The following EXOC6B variants were observed in gnomAD, a reference collection of about 807,000 sequenced individuals.
The protein encoded by EXOC6B is SEC15 homolog B.
Under a neutral mutation model 113.5 loss-of-function variants are expected in EXOC6B, and 54 were observed. The observed-to-expected ratio is 0.48, with a 90% CI of 0.38 to 0.60. The LOEUF (loss-of-function observed/expected upper bound fraction) is 0.60, where lower values mean the gene tolerates loss of function less well. EXOC6B is among the 20% of genes least tolerant of loss of function. The probability of loss-of-function intolerance (pLI) is 0.00; values close to 1 mark genes in which losing one functional copy is unlikely to be tolerated. For missense variants in EXOC6B, 797 were observed against 977.5 expected (o/e 0.82, Z 2.46); for synonymous variants, 357 against 339.0 (o/e 1.05, Z -0.58).
At chr2:72,445,372 T>C (rs1212517591) in intron 18 of EXOC6B, among the ~76,000 whole-genome samples, 1 of 152,194 alleles carries the variant, frequency 6.6e-6, no homozygotes, top group Non-Finnish European at 1.5e-5. Context: ...GCCATCAAAC[T>C]GTTCCAACCT....
intron 18 of EXOC6B, among the ~76,000 whole-genome samples, chr2:72,438,653 C>T (rs2105323356): frequency 6.6e-6 from 1 of 152,266 alleles, no homozygotes; most frequent in East Asian, 1.9e-4. Flanking sequence ...GAGAAACATT[C>T]ATATAGACCA....
intron 1 of EXOC6B, among the ~76,000 whole-genome samples, chr2:72,823,004 G>C (rs144893531): frequency 2.0e-5 from 3 of 151,836 alleles, no homozygotes; most frequent in Non-Finnish European, 4.4e-5. Flanking sequence ...GCCTCTGAAC[G>C]GGATAAGGAA....
At chr2:72,193,616 C>A (rs547022609) in intron 20 of EXOC6B, among the ~76,000 whole-genome samples, 1 of 152,238 alleles carries the variant, frequency 6.6e-6, no homozygotes, top group East Asian at 1.9e-4. Context: ...GATGTGAATA[C>A]CCTAACAGGT....
chr2:72,766,238 C>T (rs965355800), intron 1 of EXOC6B, among the ~76,000 whole-genome samples: 2 of 152,182 alleles, frequency 1.3e-5, no homozygotes, highest in African/African-American at 4.8e-5. Flanking sequence ...ATTTAGCCAG[C>T]TCAGTCGTTG....
chr2:72,419,963 T>C (rs1209221389), intron 18 of EXOC6B, among the ~76,000 whole-genome samples: 2 of 152,182 alleles, frequency 1.3e-5, no homozygotes, highest in African/African-American at 4.8e-5. Flanking sequence ...CATAGGTCCC[T>C]TGGGTTGTGT....
intron 20 of EXOC6B, among the ~76,000 whole-genome samples, chr2:72,243,640 G>A (rs1236809016): frequency 6.6e-6 from 1 of 152,164 alleles, no homozygotes; most frequent in Admixed American, 6.5e-5. Context: ...AATACCTAAT[G>A]TGAATGACAA....
intron 18 of EXOC6B, among the ~76,000 whole-genome samples, chr2:72,460,809 AG>A (rs1697589485): frequency 6.6e-6 from 1 of 151,918 alleles, no homozygotes; most frequent in Non-Finnish European, 1.5e-5. Context: ...GTGATTCCTC[AG>A]GGATCTAGAA....
At chr2:72,515,226 A>G in intron 8 of EXOC6B, 100 bp from the exon 9 acceptor site, 2 of 1,125,098 alleles carry the variant, frequency 1.8e-6, no homozygotes, top group Non-Finnish European at 2.6e-6. Context: ...TTGAGGTAGT[A>G]TCACATTTCT....
chr2:72,783,318 C>CTTTTTTT lies in EXOC6B; in HGVS notation c.114-41856_114-41850dup, dbSNP rs70963146. Among the ~76,000 whole-genome samples, 246 of 60,392 alleles carry CTTTTTTT rather than the reference C, an allele frequency of 4.1e-3. 9 individuals are homozygous for CTTTTTTT. The highest frequency in any genetic ancestry group is 5.7e-3 in the Non-Finnish European group (199 of 35,110). The allele number at this position is 60,392 out of a possible 152,430, so 39.6% of individuals were successfully genotyped here. On this transcript the variant is annotated intron_variant, in intron 1 of 21. Transcript: ENST00000272427. ...CCTGTTGGTCACTTCTTTTTCTTTT[C>CTTTTTTT]TTTTTTTTTTTTTTTTTTTTTTTTG...
At chr2:72,809,311 C>T (rs1685749943) in intron 1 of EXOC6B, among the ~76,000 whole-genome samples, 1 of 151,876 alleles carries the variant, frequency 6.6e-6, no homozygotes, top group Non-Finnish European at 1.5e-5. Flanking sequence ...TAAAACAATA[C>T]AAGTATATGC....
intron 1 of EXOC6B, among the ~76,000 whole-genome samples, chr2:72,763,971 C>T (rs1459618436): frequency 2.6e-5 from 4 of 151,810 alleles, no homozygotes; most frequent in South Asian, 2.1e-4. Flanking sequence ...ACCAGGTACT[C>T]GGGAGGCTGT....
chr2:72,601,124 ATGTGTG>A (rs61668760), intron 6 of EXOC6B, among the ~76,000 whole-genome samples: 90,196 of 138,496 alleles, frequency 0.65, 29,176 homozygotes, highest in South Asian at 0.74. Context: ...GTGTGTGTGT[ATGTGTG>A]TGTGTGTGTG....
intron 20 of EXOC6B, among the ~76,000 whole-genome samples, chr2:72,297,324 T>C (rs1365212580): frequency 2.0e-5 from 3 of 152,064 alleles, no homozygotes; most frequent in Admixed American, 2.0e-4. Flanking sequence ...AACTCAATAG[T>C]TGTTTTTTTC....
intron 6 of EXOC6B, among the ~76,000 whole-genome samples, chr2:72,659,682 A>T (rs752124538): frequency 7.2e-5 from 11 of 152,136 alleles, no homozygotes; most frequent in Non-Finnish European, 1.6e-4. Flanking sequence ...CAAAAAATTT[A>T]TAAATAATCA....
chr2:72,510,635 T>C (rs1200272491), intron 11 of EXOC6B, among the ~76,000 whole-genome samples: 1 of 151,552 alleles, frequency 6.6e-6, no homozygotes, highest in Non-Finnish European at 1.5e-5. Flanking sequence ...AGTTTATTTA[T>C]ATATTAAAAA....
intron 6 of EXOC6B, among the ~76,000 whole-genome samples, chr2:72,688,050 C>A (rs1337930322): frequency 6.6e-6 from 1 of 152,164 alleles, no homozygotes. Context: ...GACCCACTCC[C>A]AGCCCCACCA....
At chr2:72,514,605 A>ATATATATATATAT (rs1553432012) in intron 10 of EXOC6B, 29 bp downstream of exon 10, 5 of 147,184 alleles carry the variant, frequency 3.4e-5, no homozygotes, top group African/African-American at 1.9e-4. Flanking sequence ...TAAATAAATA[A>ATATATATATATAT]ATATATATAT....
At chr2:72,542,000 A>ACTT (rs1702631747) in intron 8 of EXOC6B, among the ~76,000 whole-genome samples, 2 of 152,202 alleles carry the variant, frequency 1.3e-5, no homozygotes, top group Non-Finnish European at 2.9e-5. Flanking sequence ...TGTAAAAAGT[A>ACTT]TATCAACATT....
chr2:72,572,141 T>A (rs1436362081), intron 7 of EXOC6B, among the ~76,000 whole-genome samples: 1 of 152,176 alleles, frequency 6.6e-6, no homozygotes, highest in Non-Finnish European at 1.5e-5. Flanking sequence ...TAAATCATAT[T>A]TAAAAAAAAC....
Sources: gnomAD v4.1 joint callset for allele counts (sites outside exome capture counted in the v4.1 genomes callset) on GRCh38, gnomAD v4.1.1 for gene constraint, MANE v1.5 for transcripts, NCBI Gene and HGNC (gene_info 2026-07-23, HGNC 2026-07-21) for gene names.